The following TCERG1 variants were observed in gnomAD, a reference collection of about 807,000 sequenced individuals.
TCERG1 encodes the protein TATA box binding protein (TBP)-associated factor, RNA polymerase II, S, 150kD.
In TCERG1, 37 loss-of-function variants were observed where a neutral mutation model predicts 144.7. That is an observed-to-expected ratio of 0.26 (90% CI 0.20 to 0.34). The LOEUF (loss-of-function observed/expected upper bound fraction) is 0.34, where lower values mean the gene tolerates loss of function less well. TCERG1 is among the 10% of genes least tolerant of loss of function. The pLI is 1.00. For missense variants in TCERG1, 1,027 were observed against 1,380.7 expected (o/e 0.74, Z 4.06); for synonymous variants, 492 against 458.2 (o/e 1.07, Z -0.94).
intron 1 of TCERG1, among the ~76,000 whole-genome samples, chr5:146,451,616 G>T (rs1283436238): frequency 2.7e-5 from 4 of 150,880 alleles, no homozygotes; most frequent in Non-Finnish European, 4.4e-5. Flanking sequence ...AGCCACCGGG[G>T]GGCGTCCGGC....
At chr5:146,493,871 T>C (rs1399051295) in intron 16 of TCERG1, among the ~76,000 whole-genome samples, 1 of 152,086 alleles carries the variant, frequency 6.6e-6, no homozygotes, top group Admixed American at 6.5e-5. Flanking sequence ...ATTCTAAAAC[T>C]GTCGGGTAGC....
chr5:146,470,284 A>G (rs957692449), intron 7 of TCERG1, among the ~76,000 whole-genome samples: 2 of 152,148 alleles, frequency 1.3e-5, no homozygotes, highest in East Asian at 1.9e-4. Flanking sequence ...GATTATAGGT[A>G]TGTGTCATTG....
Position 146,507,980 on chromosome 5 carries a change from T to G in TCERG1, c.3045+24T>G. ...GGGTAAGAGGATTTTGTGTCGAGAT[T>G]TACTGTCAGTCTATAAATACTTAAA... is the stretch of plus-strand genomic sequence containing the variant. On this transcript the variant is annotated intron_variant, in intron 21 of 22. Coordinates refer to ENST00000679501, the MANE Select transcript of TCERG1 (RefSeq NM_001382548.1). The surrounding 1 kb of genome is among the most constrained non-coding windows in gnomAD (Gnocchi z 4.6). 2 of 1,554,090 alleles carry G rather than the reference T, an allele frequency of 1.3e-6. No homozygotes were observed. Among genetic ancestry groups the G allele is most frequent in the Non-Finnish European group, 8.8e-7 (1 of 1,134,188 alleles).
In TCERG1 at chr5:146,470,159, G is replaced by A. The variant is rs370989613; in HGVS notation, c.1399+415G>A. Reference sequence around the variant, plus strand: ...TTCATAATTTTCTATATCACAAGCTGCTATTATTATTGTTGTTTTTAAAAT... The same window carrying A: ...TTCATAATTTTCTATATCACAAGCTACTATTATTATTGTTGTTTTTAAAAT... On this transcript the variant is annotated intron_variant, in intron 7 of 22. Transcript: ENST00000679501. Among the ~76,000 whole-genome samples, 18 of 152,074 alleles carry A rather than the reference G, an allele frequency of 1.2e-4. 2 individuals are homozygous for A. In the East Asian group the frequency reaches 2.1e-3, roughly 18 times the overall value.
Position 146,507,190 on chromosome 5 carries a change from C to A in TCERG1, c.2944C>A (p.Leu982Met). 2 of 1,594,492 alleles carry A rather than the reference C, an allele frequency of 1.3e-6. No homozygotes were observed. The highest frequency in any genetic ancestry group is 1.2e-5 in the South Asian group (1 of 86,566). The change falls in exon 20 of 23, where the codon CTG becomes ATG. Residue 982 changes from leucine (L) to methionine (M), a missense_variant. Physicochemically the swap from Leu to Met is conservative, Grantham distance 15. Transcript: ENST00000679501. The surrounding 1 kb of genome is among the most constrained non-coding windows in gnomAD (Gnocchi z 4.6). ...KKKREHFRQL[L>M]DETSAITLTS... ...AAAGAGAGAGCACTTTAGGCAACTT[C>A]TGGATGAAACTTCTGCAGTAAGAAT... is the stretch of plus-strand genomic sequence containing the variant.
Position 146,468,374 on chromosome 5 carries a change from A to G in TCERG1, c.1169A>G (p.Tyr390Cys), listed in dbSNP as rs1275204873. ...ATGATGCAAATAGTCAGCTGCCCGTATGTAAAGACAGTCGCTACCACCAAG... is the reference window on the plus strand; with the variant it reads ...ATGATGCAAATAGTCAGCTGCCCGTGTGTAAAGACAGTCGCTACCACCAAG... ...VAMMQIVSCP[Y>C]VKTVATTKTG... The change falls in exon 6 of 23, where the codon TAT (tyrosine) becomes TGT (cysteine). Residue 390 changes from tyrosine (Y) to cysteine (C), a missense_variant. Around this residue, in one of 6 missense-constraint regions of TCERG1, gnomAD observed 482 missense variants for 632.6 expected, o/e 0.76. Transcript: ENST00000679501. 6 of 1,610,720 alleles carry G rather than the reference A, an allele frequency of 3.7e-6. No individual in the cohort carries two copies. The highest frequency in any genetic ancestry group is 1.7e-6 in the Non-Finnish European group (2 of 1,178,384).
chr5:146,473,513 C>T (rs757913477), intron 9 of TCERG1, among the ~76,000 whole-genome samples: 13 of 152,096 alleles, frequency 8.5e-5, no homozygotes, highest in Non-Finnish European at 1.8e-4. Context: ...TCAGTGTAGA[C>T]GAAACAGCCT....
intron 18 of TCERG1, 88 bp from the exon 19 acceptor site, chr5:146,503,736 G>A: frequency 6.8e-7 from 1 of 1,475,892 alleles, no homozygotes; most frequent in South Asian, 1.5e-5. Flanking sequence ...ACTAGATTTG[G>A]AATTTTTTAT....
intron 7 of TCERG1, among the ~76,000 whole-genome samples, chr5:146,469,999 T>C (rs1218034213): frequency 6.6e-6 from 1 of 152,194 alleles, no homozygotes; most frequent in Non-Finnish European, 1.5e-5. Flanking sequence ...TTTTTACTGT[T>C]AGGAATTTTC....
In TCERG1 at chr5:146,510,719, C is replaced by T; in HGVS notation, c.*77C>T. 1 of 1,410,456 alleles carries T rather than the reference C, an allele frequency of 7.1e-7. No individual in the cohort carries two copies. 87.4% of individuals were successfully genotyped at this position (1,410,456 alleles called of 1,614,324 possible). On this transcript the variant is annotated 3_prime_UTR_variant, in exon 23 of 23. Transcript: ENST00000679501. The stretch of plus-strand genomic sequence containing the variant: ...ATTTTCAGGTTTTTACATATATGTG[C>T]ATTAGTCAACCTATTGCGAAACCAT...
intron 1 of TCERG1, among the ~76,000 whole-genome samples, chr5:146,447,909 C>T (rs985730785): frequency 1.3e-5 from 2 of 152,270 alleles, no homozygotes; most frequent in Non-Finnish European, 2.9e-5. Context: ...TTTCATCCCC[C>T]TCATTGCTTG....
At chr5:146,457,734 A>G (rs1317293383) in intron 3 of TCERG1, among the ~76,000 whole-genome samples, 6 of 152,254 alleles carry the variant, frequency 3.9e-5, no homozygotes, top group Non-Finnish European at 5.9e-5. Context: ...AGGGCTTTCT[A>G]CAGATAGCTG....
In TCERG1 at chr5:146,459,081, G is replaced by A. The variant is rs532984875; in HGVS notation, c.636G>A (p.Gln212=). The A allele has an allele frequency of 2.8e-6, 4 of 1,444,656 alleles. No homozygotes were observed. The highest frequency in any genetic ancestry group is 3.8e-6 in the Non-Finnish European group (4 of 1,046,064). The allele number at this position is 1,444,656 out of a possible 1,614,324, so 89.5% of individuals were successfully genotyped here. The part of the protein sequence containing the change: ...QAQAQAQAQA[Q]AQAQAQAQAQ... ...AGGCCCAGGCTCAGGCTCAGGCCCA[G>A]GCCCAGGCCCAGGCCCAGGCCCAGG... The change falls in exon 4 of 23, where the codon CAG becomes CAA. Residue 212 remains glutamine (Q), a synonymous_variant. Transcript: ENST00000679501.
chr5:146,499,521 CAA>C (rs1368652712), intron 17 of TCERG1: 1 of 152,094 alleles, frequency 6.6e-6, no homozygotes, highest in Admixed American at 6.5e-5. Flanking sequence ...ATTGGGCTTC[CAA>C]GTGAGTTTTC....
In TCERG1 at chr5:146,511,769, T is replaced by G. The variant is rs542580709; in HGVS notation, c.*1127T>G. 4.6e-5 allele frequency: 7 copies of G among 152,240 alleles called. No homozygotes were observed. The highest frequency in any genetic ancestry group is 2.0e-4 in the Admixed American group (3 of 15,290). 9.4% of individuals were successfully genotyped at this position (152,240 alleles called of 1,614,324 possible). On this transcript the variant is annotated 3_prime_UTR_variant, in exon 23 of 23. Transcript: ENST00000679501. ...AAGATGCTGGGGTTTTTTTTGTTTTTGTCCTTTGTATTAATGTATGATGGT... is the reference window on the plus strand; with the variant it reads ...AAGATGCTGGGGTTTTTTTTGTTTTGGTCCTTTGTATTAATGTATGATGGT...
At chr5:146,503,254 GTTA>G (rs1028085591) in intron 17 of TCERG1, 118 bp from the exon 18 acceptor site, 135 of 855,646 alleles carry the variant, frequency 1.6e-4, no homozygotes, top group Middle Eastern at 5.5e-4. Flanking sequence ...TATTTTAAAA[GTTA>G]TTATTCTCAT....
intron 21 of TCERG1, among the ~76,000 whole-genome samples, chr5:146,508,617 A>G (rs1395151676): frequency 1.3e-5 from 2 of 152,194 alleles, no homozygotes; most frequent in Non-Finnish European, 2.9e-5. Context: ...TAGAATTGAT[A>G]ATAAAGTCTT....
chr5:146,461,352 C>G (rs1418128176), intron 4 of TCERG1, among the ~76,000 whole-genome samples: 2 of 151,972 alleles, frequency 1.3e-5, no homozygotes, highest in Non-Finnish European at 2.9e-5. Flanking sequence ...CTTAATATTT[C>G]TCCATCTATT....
At chr5:146,466,040 A>G (rs1436925165) in intron 5 of TCERG1, among the ~76,000 whole-genome samples, 1 of 150,028 alleles carries the variant, frequency 6.7e-6, no homozygotes, top group Non-Finnish European at 1.5e-5. Context: ...AAAAAAAAAG[A>G]TATATTAGCA....
Sources: allele counts gnomAD v4.1 joint callset (sites outside exome capture counted in the v4.1 genomes callset), GRCh38; gene constraint gnomAD v4.1.1; regional missense constraint gnomAD v4.1.1; non-coding constraint Gnocchi (gnomAD v3.1); transcripts MANE v1.5; gene names NCBI Gene and HGNC (gene_info 2026-07-23, HGNC 2026-07-21).